The following PCDHGA10 variants were observed in gnomAD, a reference collection of about 807,000 sequenced individuals.
PCDHGA10 encodes the protein protocadherin gamma subfamily A, 10.
A neutral mutation model predicts 59.5 loss-of-function variants in PCDHGA10; 42 were observed. The ratio of observed to expected loss-of-function variants is 0.71; its 90% confidence interval spans 0.55 to 0.91. The LOEUF (loss-of-function observed/expected upper bound fraction) is 0.91. Ranked by LOEUF, PCDHGA10 falls within the 40% of genes least tolerant of loss-of-function variation. The probability of loss-of-function intolerance (pLI) is 0.00; values close to 1 mark genes in which losing one functional copy is unlikely to be tolerated. For missense variants in PCDHGA10, 1,111 were observed against 1,198.2 expected (o/e 0.93, Z 1.07); for synonymous variants, 511 against 517.2 (o/e 0.99, Z 0.16).
At position 141,473,122 on chromosome 5, in the gene PCDHGA10, T is replaced by C. The variant is rs533113606; in HGVS notation, c.2437-21685T>C. On this transcript the variant is annotated intron_variant, in intron 1 of 3. Coordinates refer to ENST00000398610, the MANE Select transcript of PCDHGA10 (RefSeq NM_018913.3). ...TATTACCACACTTTACTTGGCTCTT[T>C]GGCAAACTATATTATCTCTTCAGAT... Among the ~76,000 whole-genome samples, 3 of 152,362 alleles carry C rather than the reference T, an allele frequency of 2.0e-5. No homozygotes were observed. In the East Asian group the frequency reaches 5.8e-4, roughly 29 times the overall value.
intron 1 of PCDHGA10, chr5:141,422,628 C>A: frequency 6.2e-7 from 1 of 1,613,410 alleles, no homozygotes; most frequent in Non-Finnish European, 8.5e-7. Context: ...AAAACAACCC[C>A]AGGGGTGCCT....
chr5:141,487,670 T>A lies in PCDHGA10; in HGVS notation c.2437-7137T>A. The A allele has an allele frequency of 6.2e-7, 1 of 1,612,302 alleles. No homozygotes were observed. Among genetic ancestry groups the A allele is most frequent in the Non-Finnish European group, 8.5e-7 (1 of 1,179,082 alleles). ...TGAGGGTTATTCTGATCCAGGCATA[T>A]GGCTAGGCCATGTCCTAGAGAGTAC... On this transcript the variant is annotated intron_variant, in intron 1 of 3. Transcript: ENST00000398610. This position sits in a 1 kb window ranked among gnomAD's most constrained non-coding sequence, Gnocchi z 5.0.
rs2099701571 is a variant in PCDHGA10, at chr5:141,490,550, A to G, written c.2437-4257A>G. On this transcript the variant is annotated intron_variant, in intron 1 of 3. Coordinates refer to ENST00000398610, the MANE Select transcript of PCDHGA10 (RefSeq NM_018913.3). This position sits in a 1 kb window ranked among gnomAD's most constrained non-coding sequence, Gnocchi z 5.4. ...GCTGGTTCACCTTCCCTACACAAACATCTCACCATCAGGCTCAACATTTCA... is the reference window on the plus strand; with the variant it reads ...GCTGGTTCACCTTCCCTACACAAACGTCTCACCATCAGGCTCAACATTTCA... 1 of 1,614,092 alleles carries G rather than the reference A, an allele frequency of 6.2e-7. No individual in the cohort carries two copies.
At chr5:141,494,554 T>C (rs1270280236) in intron 1 of PCDHGA10, among the ~76,000 whole-genome samples, 1 of 152,178 alleles carries the variant, frequency 6.6e-6, no homozygotes, top group African/African-American at 2.4e-5. Flanking sequence ...GGGCCATTTC[T>C]TTAGGAAAGG....
chr5:141,430,970 A>G (rs1026736997), intron 1 of PCDHGA10: 3 of 1,613,068 alleles, frequency 1.9e-6, no homozygotes, highest in Non-Finnish European at 2.5e-6. Context: ...CCCCAGAGGT[A>G]GGACGCAGCT....
In PCDHGA10 at chr5:141,476,499, TC is replaced by T; in HGVS notation, c.2437-18307del. 1 of 1,614,110 alleles carries T rather than the reference TC, an allele frequency of 6.2e-7. No individual in the cohort carries two copies. Among genetic ancestry groups the T allele is most frequent in the Non-Finnish European group, 8.5e-7 (1 of 1,180,020 alleles). ...AGCGTGGAAGTGGTGATCCAGGACATCAACGACAACAATCCTGCTTTCCCTA... is the reference window on the plus strand; with the variant it reads ...AGCGTGGAAGTGGTGATCCAGGACATAACGACAACAATCCTGCTTTCCCTA... On this transcript the variant is annotated intron_variant, in intron 1 of 3. Transcript: ENST00000398610. The surrounding 1 kb of genome is among the most constrained non-coding windows in gnomAD (Gnocchi z 7.6).
chr5:141,417,936 A>G (rs1266177574), intron 1 of PCDHGA10: 3 of 1,612,080 alleles, frequency 1.9e-6, no homozygotes, highest in Non-Finnish European at 1.7e-6. Flanking sequence ...CCTTTGTTCT[A>G]CCCCACGCTG....
At chr5:141,478,785 A>C in intron 1 of PCDHGA10, 1 of 1,482,486 alleles carries the variant, frequency 6.7e-7, no homozygotes, top group Non-Finnish European at 9.0e-7. Flanking sequence ...GACCTAATTC[A>C]CATCCTCAGC....
At chr5:141,443,109 C>A (rs373919534) in intron 1 of PCDHGA10, among the ~76,000 whole-genome samples, 2 of 152,100 alleles carry the variant, frequency 1.3e-5, no homozygotes, top group South Asian at 2.1e-4. Flanking sequence ...CTGAACCTTG[C>A]TTTTCAAACC....
Position 141,478,294 on chromosome 5 carries a change from A to G in PCDHGA10, c.2437-16513A>G, listed in dbSNP as rs147994096. The G allele has an allele frequency of 3.6e-3, 5,805 of 1,614,110 alleles. 30 individuals are homozygous for G. Among genetic ancestry groups the G allele is most frequent in the Non-Finnish European group, 3.4e-3 (4,026 of 1,180,032 alleles). The stretch of plus-strand genomic sequence containing the variant: ...ACAAGTGGAAGCAGTCTAGAGACCT[A>G]TACCGAGCCCCGGTGAGCTCACTGT... On this transcript the variant is annotated intron_variant, in intron 1 of 3. Coordinates refer to ENST00000398610, the MANE Select transcript of PCDHGA10 (RefSeq NM_018913.3).
chr5:141,502,179 A>G (rs1403845758), intron 2 of PCDHGA10, among the ~76,000 whole-genome samples: 2 of 152,218 alleles, frequency 1.3e-5, no homozygotes, highest in Non-Finnish European at 2.9e-5. Context: ...GGAATTTAAC[A>G]TTAATACAAT....
intron 2 of PCDHGA10, among the ~76,000 whole-genome samples, chr5:141,497,984 C>G (rs2099780951): frequency 6.6e-6 from 1 of 152,194 alleles, no homozygotes; most frequent in South Asian, 2.1e-4. Flanking sequence ...TGGGAGGCCC[C>G]TGCCCTCAAG....
intron 1 of PCDHGA10, among the ~76,000 whole-genome samples, chr5:141,492,631 A>G (rs1203365582): frequency 6.6e-6 from 1 of 152,184 alleles, no homozygotes; most frequent in Non-Finnish European, 1.5e-5. Flanking sequence ...GCAGGACTCT[A>G]CGATCCTTGG....
chr5:141,418,345 T>C, intron 1 of PCDHGA10: 1 of 1,614,000 alleles, frequency 6.2e-7, no homozygotes, highest in Non-Finnish European at 8.5e-7. Context: ...ATCCTGATAT[T>C]AGTATGAATT....
intron 1 of PCDHGA10, 128 bp downstream of exon 1, chr5:141,415,739 GGTTTTTTTTT>G: frequency 6.9e-6 from 3 of 434,948 alleles, no homozygotes; most frequent in Middle Eastern, 6.4e-4. Context: ...TGTTTATTAA[GGTTTTTTTTT>G]TTTTTTTTTT....
Position 141,477,230 on chromosome 5 carries a change from G to A in PCDHGA10, c.2437-17577G>A, listed in dbSNP as rs768648952. The A allele has an allele frequency of 1.3e-5, 21 of 1,614,164 alleles. No individual in the cohort carries two copies. The highest frequency in any genetic ancestry group is 1.8e-5 in the Non-Finnish European group (21 of 1,180,046). On this transcript the variant is annotated intron_variant, in intron 1 of 3. Coordinates refer to ENST00000398610, the MANE Select transcript of PCDHGA10 (RefSeq NM_018913.3). This position sits in a 1 kb window ranked among gnomAD's most constrained non-coding sequence, Gnocchi z 4.9. ...GGATGCCCCTCTGGGGACTGTCATC[G>A]CTTTGCTCAGTGTGACTGACCTGGA...
intron 1 of PCDHGA10, chr5:141,426,767 A>C (rs1219028777): frequency 2.2e-6 from 1 of 456,666 alleles, no homozygotes. Flanking sequence ...ATGCAGATGT[A>C]GGGCCTCACT....
intron 1 of PCDHGA10, among the ~76,000 whole-genome samples, chr5:141,470,572 A>G (rs1349952470): frequency 6.6e-6 from 1 of 152,208 alleles, no homozygotes; most frequent in Non-Finnish European, 1.5e-5. Flanking sequence ...GCCAAGCAGG[A>G]TCAACTTCAT....
Position 141,414,061 on chromosome 5 carries a change from T to C in PCDHGA10, c.886T>C (p.Phe296Leu). ...RKLPDTQLLK[F>L]QLNKYTGEIK... ...ATTACCTGACACGCAATTGTTGAAG[T>C]TCCAACTAAACAAATATACTGGAGA... is the stretch of plus-strand genomic sequence containing the variant. Residue 296 changes from phenylalanine (F) to leucine (L), a missense_variant, in exon 1 of 4, where the codon TTC (phenylalanine) becomes CTC (leucine). Phe to Leu is a conservative substitution (Grantham distance 22). Transcript: ENST00000398610. 1 of 1,609,248 alleles carries C rather than the reference T, an allele frequency of 6.2e-7. No individual in the cohort carries two copies. The highest frequency in any genetic ancestry group is 8.5e-7 in the Non-Finnish European group (1 of 1,177,820).
Sources: allele counts gnomAD v4.1 joint callset (sites outside exome capture counted in the v4.1 genomes callset), GRCh38; gene constraint gnomAD v4.1.1; non-coding constraint Gnocchi (gnomAD v3.1); transcripts MANE v1.5; gene names NCBI Gene and HGNC (gene_info 2026-07-23, HGNC 2026-07-21).